ERCC6L2: variants seen among roughly 807,000 people sequenced by gnomAD.
ERCC6L2 encodes the protein DNA excision repair protein ERCC-6-like 2.
Under a neutral mutation model 132.0 loss-of-function variants are expected in ERCC6L2, and 77 were observed. The ratio of observed to expected loss-of-function variants is 0.58; its 90% CI spans 0.49 to 0.71. The LOEUF is 0.71. Among genes scored for constraint, ERCC6L2 ranks in the 30% least tolerant of loss-of-function variants. ERCC6L2 has a pLI of 0.00. For synonymous variants in ERCC6L2, 583 were observed against 632.4 expected (o/e 0.92, Z 1.17); for missense variants, 1,542 against 1,837.6 (o/e 0.84, Z 2.94).
chr9:95,991,421 A>G (rs985206021), intron 17 of ERCC6L2, among the ~76,000 whole-genome samples: 1 of 152,214 alleles, frequency 6.6e-6, no homozygotes, highest in African/African-American at 2.4e-5. Context: ...GGAAGTTTGC[A>G]TAAAGCACTT....
At chr9:95,914,013 A>G (rs974536355) in intron 4 of ERCC6L2, among the ~76,000 whole-genome samples, 2 of 152,226 alleles carry the variant, frequency 1.3e-5, no homozygotes, top group African/African-American at 2.4e-5. Flanking sequence ...ATAGATACCT[A>G]GGAATGGAAT....
chr9:95,912,603 A>G (rs973207380), intron 4 of ERCC6L2, among the ~76,000 whole-genome samples: 1 of 152,238 alleles, frequency 6.6e-6, no homozygotes, highest in African/African-American at 2.4e-5. Context: ...GTCACACACA[A>G]GAATATTAAT....
chr9:96,012,576 T>C lies in ERCC6L2; in HGVS notation c.4026T>C (p.His1342=). Residue 1342 remains histidine (H), a synonymous_variant, in exon 19 of 19, where the codon CAT becomes CAC. Transcript: ENST00000653738. ...GAAAATCAGTTAAGTTTCAGAATCATATTTCCTATAGAGAAGAGGTGTTTT... is the reference window on the plus strand; with the variant it reads ...GAAAATCAGTTAAGTTTCAGAATCACATTTCCTATAGAGAAGAGGTGTTTT... ...YKRKSVKFQN[H]ISYREEVFFN... is the part of the protein sequence containing the mutation. The C allele has an allele frequency of 7.3e-7, 1 of 1,367,524 alleles. No homozygotes were observed. Among genetic ancestry groups the C allele is most frequent in the African/African-American group, 1.5e-5 (1 of 67,840 alleles). 84.7% of individuals were successfully genotyped at this position (1,367,524 alleles called of 1,614,324 possible).
chr9:95,884,595 A>C (rs575075263), intron 2 of ERCC6L2, among the ~76,000 whole-genome samples: 1 of 151,488 alleles, frequency 6.6e-6, no homozygotes, highest in African/African-American at 2.4e-5. Context: ...CTTGTTTTAC[A>C]TACCAAATAA....
chr9:95,989,807 A>C (rs1833229100), intron 17 of ERCC6L2, among the ~76,000 whole-genome samples: 1 of 152,244 alleles, frequency 6.6e-6, no homozygotes, highest in Non-Finnish European at 1.5e-5. Flanking sequence ...ACCATTTTAT[A>C]ATAAAGCTGC....
intron 19 of ERCC6L2, among the ~76,000 whole-genome samples, chr9:96,030,803 C>T (rs890252958): frequency 9.9e-5 from 15 of 151,914 alleles, no homozygotes; most frequent in African/African-American, 3.6e-4. Flanking sequence ...CAAACCAGGA[C>T]AACTGGGGCC....
intron 11 of ERCC6L2, among the ~76,000 whole-genome samples, chr9:95,937,918 T>G (rs1347351242): frequency 6.6e-6 from 1 of 151,748 alleles, no homozygotes; most frequent in African/African-American, 2.4e-5. Context: ...AGACCTTTAA[T>G]TTTTTTCTAA....
chr9:95,917,270 T>G (rs2176026), intron 6 of ERCC6L2, among the ~76,000 whole-genome samples: 18,387 of 152,050 alleles, frequency 0.12, 1,244 homozygotes, highest in African/African-American at 0.16. Flanking sequence ...ATATGAGGAG[T>G]GGACTTCAAG....
chr9:95,959,845 G>A (rs554774149), intron 13 of ERCC6L2, among the ~76,000 whole-genome samples: 2 of 151,968 alleles, frequency 1.3e-5, no homozygotes, highest in South Asian at 4.2e-4. Context: ...AAGACAAAAG[G>A]AAGTTGGGAT....
chr9:96,000,776 A>G (rs917964462), intron 17 of ERCC6L2, among the ~76,000 whole-genome samples: 3 of 152,224 alleles, frequency 2.0e-5, no homozygotes, highest in African/African-American at 2.4e-5. Context: ...GCAAGACCCC[A>G]TGTCTATAAA....
chr9:95,888,614 T>A (rs1013659154), intron 2 of ERCC6L2, among the ~76,000 whole-genome samples: 13 of 152,148 alleles, frequency 8.5e-5, no homozygotes, highest in Non-Finnish European at 1.5e-5. Flanking sequence ...CACCATAGTG[T>A]GGTAAGATGG....
At chr9:96,018,567 C>G (rs1834230887), downstream of ERCC6L2, among the ~76,000 whole-genome samples, 1 of 151,760 alleles carries the variant, frequency 6.6e-6, no homozygotes, top group Non-Finnish European at 1.5e-5. Context: ...ATCAAGGGAT[C>G]TTCCCACCTC....
chr9:95,984,520 C>G (rs867149140), intron 17 of ERCC6L2, among the ~76,000 whole-genome samples: 3 of 152,084 alleles, frequency 2.0e-5, no homozygotes, highest in Middle Eastern at 6.8e-3. Flanking sequence ...CTAGTTCTTC[C>G]CTCAGCTGGA....
At chr9:95,925,038 T>G (rs765900527) in intron 9 of ERCC6L2, among the ~76,000 whole-genome samples, 28 of 152,144 alleles carry the variant, frequency 1.8e-4, no homozygotes, top group Non-Finnish European at 3.4e-4. Flanking sequence ...TTAAGAACTC[T>G]AAGAATTGAG....
At chr9:95,985,023 G>A (rs766252962) in intron 17 of ERCC6L2, among the ~76,000 whole-genome samples, 2 of 152,174 alleles carry the variant, frequency 1.3e-5, no homozygotes, top group Non-Finnish European at 2.9e-5. Context: ...TACACCTCCA[G>A]CCATATCAAC....
intron 17 of ERCC6L2, among the ~76,000 whole-genome samples, chr9:95,996,468 A>G (rs1021777865): frequency 1.3e-5 from 2 of 152,254 alleles, no homozygotes; most frequent in South Asian, 2.1e-4. Flanking sequence ...TAGATTTTCA[A>G]TGAAGACAAA....
At chr9:95,919,948 C>G (rs1587907224) in intron 6 of ERCC6L2, among the ~76,000 whole-genome samples, 1 of 152,158 alleles carries the variant, frequency 6.6e-6, no homozygotes, top group East Asian at 1.9e-4. Flanking sequence ...GAACAAGACG[C>G]AGAAAAAGCA....
At chr9:95,990,144 A>G (rs944491022) in intron 17 of ERCC6L2, among the ~76,000 whole-genome samples, 3 of 152,222 alleles carry the variant, frequency 2.0e-5, no homozygotes, top group African/African-American at 7.2e-5. Flanking sequence ...CAGGTGCCAA[A>G]TACCTAACCA....
chr9:95,985,562 AGAACAT>A (rs1366386190), intron 17 of ERCC6L2, among the ~76,000 whole-genome samples: 1 of 152,230 alleles, frequency 6.6e-6, no homozygotes, highest in Non-Finnish European at 1.5e-5. Flanking sequence ...TCAAGAAGAG[AGAACAT>A]GAAGAATGAT....
Sources: gnomAD v4.1 joint callset for allele counts (sites outside exome capture counted in the v4.1 genomes callset) on GRCh38, gnomAD v4.1.1 for gene constraint, MANE v1.5 for transcripts, NCBI Gene and HGNC (gene_info 2026-07-23, HGNC 2026-07-21) for gene names.